Variants in GRIP1 observed in about 807,000 individuals in gnomAD.
The protein encoded by GRIP1 is glutamate receptor-interacting protein 1.
In GRIP1, 45 loss-of-function variants were observed where a neutral mutation model predicts 129.9. The ratio of observed to expected loss-of-function variants is 0.35; its 90% CI spans 0.27 to 0.44. The LOEUF is 0.44. Ranked by LOEUF, GRIP1 falls within the 20% of genes least tolerant of loss-of-function variation. GRIP1 has a pLI of 1.00. For missense variants in GRIP1, 1,196 were observed against 1,396.8 expected (o/e 0.86, Z 2.29); for synonymous variants, 530 against 520.8 (o/e 1.02, Z -0.24).
chr12:66,479,210 G>T (rs1412399622), intron 7 of GRIP1, among the ~76,000 whole-genome samples: 1 of 151,528 alleles, frequency 6.6e-6, no homozygotes. Context: ...GAATCAAATA[G>T]ACACAATAAA....
At chr12:66,540,789 CTTATTTAT>C (rs57465336) in intron 3 of GRIP1, among the ~76,000 whole-genome samples, 1 of 151,648 alleles carries the variant, frequency 6.6e-6, no homozygotes, top group Non-Finnish European at 1.5e-5. Flanking sequence ...TTTATTTTTA[CTTATTTAT>C]TTATTTATTT....
chr12:66,565,282 T>C (rs1294898745), intron 2 of GRIP1, among the ~76,000 whole-genome samples: 2 of 152,226 alleles, frequency 1.3e-5, no homozygotes, highest in South Asian at 2.1e-4. Context: ...CTTTAATCCA[T>C]CTTGAATTAA....
At chr12:66,349,481 C>T (rs947804421) in intron 24 of GRIP1, among the ~76,000 whole-genome samples, 1 of 152,184 alleles carries the variant, frequency 6.6e-6, no homozygotes, top group African/African-American at 2.4e-5. Flanking sequence ...TACCTATCCT[C>T]ATGCCAAGGA....
At chr12:66,467,217 A>G (rs1003664233) in intron 7 of GRIP1, among the ~76,000 whole-genome samples, 2 of 152,184 alleles carry the variant, frequency 1.3e-5, no homozygotes, top group Non-Finnish European at 2.9e-5. Flanking sequence ...TTAATTATTA[A>G]GGAGAGTTTT....
At chr12:67,059,997 A>G (rs1056250113) in intron 1 of GRIP1, among the ~76,000 whole-genome samples, 2 of 152,206 alleles carry the variant, frequency 1.3e-5, no homozygotes, top group African/African-American at 4.8e-5. Context: ...TTAGGTAGTG[A>G]GTTTCACCCT....
chr12:66,982,442 G>A (rs980026825), intron 1 of GRIP1, among the ~76,000 whole-genome samples: 3 of 152,144 alleles, frequency 2.0e-5, no homozygotes, highest in African/African-American at 7.2e-5. Context: ...CAGGGCAAAA[G>A]TGTTGTAACT....
Position 66,700,682 on chromosome 12 carries a change from G to A in GRIP1, c.-419-70346C>T, listed in dbSNP as rs115211765. Among the ~76,000 whole-genome samples the A allele has an allele frequency of 2.9e-3, 448 of 152,206 alleles. 1 individual carries two copies. Among genetic ancestry groups the A allele is most frequent in the African/African-American group, 0.01 (430 of 41,542 alleles). On this transcript the variant is annotated intron_variant, in intron 1 of 4. Transcript: ENST00000538373. ...CTGGTGGCTGCTAAGGATAGGCTGG[G>A]GGGGAGAATATCAAGTTAGCTTGGA...
chr12:66,524,976 C>G (rs1015067007), intron 5 of GRIP1, among the ~76,000 whole-genome samples: 5 of 152,080 alleles, frequency 3.3e-5, no homozygotes, highest in Non-Finnish European at 7.4e-5. Context: ...CAAGACTAAA[C>G]CAGGAAGAAG....
At chr12:66,680,689 T>C (rs1412761003), upstream of GRIP1, among the ~76,000 whole-genome samples, 1 of 152,142 alleles carries the variant, frequency 6.6e-6, no homozygotes, top group Non-Finnish European at 1.5e-5. Context: ...AGTTACTAGC[T>C]AAAGTGAGAT....
At chr12:66,803,583 T>A (rs1342129334) in intron 1 of GRIP1, among the ~76,000 whole-genome samples, 1 of 152,216 alleles carries the variant, frequency 6.6e-6, no homozygotes, top group Non-Finnish European at 1.5e-5. Context: ...TACTTGAACT[T>A]CCTTGTACAA....
At chr12:66,426,404 T>C (rs1488544377) in intron 14 of GRIP1, among the ~76,000 whole-genome samples, 1 of 152,164 alleles carries the variant, frequency 6.6e-6, no homozygotes, top group South Asian at 2.1e-4. Flanking sequence ...GTTTAGTTTT[T>C]TCATTTCTCT....
intron 15 of GRIP1, among the ~76,000 whole-genome samples, chr12:66,416,102 C>T (rs145881016): frequency 2.4e-3 from 369 of 151,818 alleles, no homozygotes; most frequent in African/African-American, 6.5e-3. Flanking sequence ...AAAAACACGA[C>T]GAATTTTGTA....
intron 1 of GRIP1, among the ~76,000 whole-genome samples, chr12:66,675,057 G>A (rs2034261755): frequency 6.6e-6 from 1 of 152,094 alleles, no homozygotes; most frequent in Admixed American, 6.6e-5. Context: ...TGTGTATTTG[G>A]GAAGAGAGAG....
Position 66,392,309 on chromosome 12 carries a change from T to C in GRIP1, c.2463A>G (p.Gln821=), listed in dbSNP as rs752929795. The stretch of plus-strand genomic sequence containing the variant: ...CTGGGGGACAAAGTAAAGACATACC[T>C]TGAGTTCCATAGCTGGTGTCTATTG... ...GSAIDTSYGT[Q]GTSFQASGYN... is the part of the protein sequence containing the mutation. The change falls in exon 19 of 25, where the codon CAA becomes CAG. Residue 821 remains glutamine (Q), a splice_region_variant and synonymous_variant. Coordinates refer to ENST00000359742, the MANE Select transcript of GRIP1 (RefSeq NM_001366722.1). 109 of 1,579,954 alleles carry C rather than the reference T, an allele frequency of 6.9e-5. No individual in the cohort carries two copies. The highest frequency in any genetic ancestry group is 8.9e-5 in the Non-Finnish European group (102 of 1,148,694).
chr12:66,648,919 C>T (rs1214117965), intron 1 of GRIP1, among the ~76,000 whole-genome samples: 3 of 152,136 alleles, frequency 2.0e-5, no homozygotes. Flanking sequence ...GCCAGTGATC[C>T]TGATAATTGA....
At chr12:66,649,285 G>A (rs1001471157) in intron 1 of GRIP1, among the ~76,000 whole-genome samples, 3 of 152,104 alleles carry the variant, frequency 2.0e-5, no homozygotes, top group African/African-American at 7.2e-5. Flanking sequence ...CCCACTTCCT[G>A]AAGAATAGAC....
At chr12:66,600,309 T>C (rs1402535018) in intron 1 of GRIP1, among the ~76,000 whole-genome samples, 3 of 152,164 alleles carry the variant, frequency 2.0e-5, no homozygotes, top group Non-Finnish European at 4.4e-5. Context: ...TTTGTTTCAT[T>C]GGAGAGATAC....
At chr12:66,934,457 A>G (rs147308935) in intron 1 of GRIP1, among the ~76,000 whole-genome samples, 10 of 152,338 alleles carry the variant, frequency 6.6e-5, no homozygotes, top group Non-Finnish European at 1.3e-4. Context: ...CACACTGTAC[A>G]GTAATCATTT....
intron 1 of GRIP1, among the ~76,000 whole-genome samples, chr12:66,777,740 G>A (rs1487682959): frequency 5.9e-5 from 9 of 151,952 alleles, no homozygotes; most frequent in Admixed American, 2.0e-4. Flanking sequence ...ACACACACAC[G>A]AACACACACT....
Sources: allele counts gnomAD v4.1 joint callset (sites outside exome capture counted in the v4.1 genomes callset), GRCh38; gene constraint gnomAD v4.1.1; transcripts MANE v1.5; gene names NCBI Gene and HGNC (gene_info 2026-07-23, HGNC 2026-07-21).